The following CNOT10 variants were observed in gnomAD, a reference collection of about 807,000 sequenced individuals.
The protein encoded by CNOT10 is CCR4-NOT transcription complex subunit 10, also known as CCR4-NOT transcription complex, subunit 10.
In CNOT10, 30 loss-of-function variants were observed where a neutral mutation model predicts 94.6. That is an observed-to-expected ratio of 0.32 (90% confidence interval 0.24 to 0.43). CNOT10 has a LOEUF of 0.43. Among genes scored for constraint, CNOT10 ranks in the 20% least tolerant of loss-of-function variants. CNOT10 has a pLI of 1.00. For synonymous variants in CNOT10, 289 were observed against 301.6 expected (o/e 0.96, Z 0.43); for missense variants, 759 against 877.2 (o/e 0.87, Z 1.70).
At chr3:32,705,745 G>A (rs560894387) in intron 3 of CNOT10, among the ~76,000 whole-genome samples, 1 of 152,214 alleles carries the variant, frequency 6.6e-6, no homozygotes, top group Non-Finnish European at 1.5e-5. Context: ...TGCTGTTAGG[G>A]AGTCATGAGA....
rs146044152 is a variant in CNOT10 at position 32,696,068 on chromosome 3, C to A, written c.23-7800C>A. ...TGGTGACTCATGCTGGTAATCCCAG[C>A]ACTTTGGGAGGCCGAGGCAGGCGGA... is the stretch of plus-strand genomic sequence containing the variant. On this transcript the variant is annotated intron_variant, in intron 1 of 18. Transcript: ENST00000328834. 2.3e-3 allele frequency among the ~76,000 whole-genome samples: 340 copies of A among 150,926 alleles called. 1 individual carries two copies. The highest frequency in any genetic ancestry group is 7.7e-3 in the African/African-American group (315 of 40,940).
At chr3:32,730,063 C>T (rs970279087) in intron 10 of CNOT10, among the ~76,000 whole-genome samples, 4 of 151,990 alleles carry the variant, frequency 2.6e-5, no homozygotes, top group Non-Finnish European at 4.4e-5. Flanking sequence ...CCACCGCGCC[C>T]GGCCCAGAAT....
At chr3:32,723,488 A>C (rs1698514821) in intron 8 of CNOT10, among the ~76,000 whole-genome samples, 1 of 152,228 alleles carries the variant, frequency 6.6e-6, no homozygotes, top group Non-Finnish European at 1.5e-5. Flanking sequence ...TTTAAAAATA[A>C]ATAAAAGCAG....
At chr3:32,735,221 G>GGC (rs1004048595) in intron 12 of CNOT10, among the ~76,000 whole-genome samples, 1 of 152,112 alleles carries the variant, frequency 6.6e-6, no homozygotes, top group Non-Finnish European at 1.5e-5. Flanking sequence ...CGGACGCAGT[G>GGC]GCTCATGCCT....
Position 32,759,464 on chromosome 3 carries a change from C to A in CNOT10, c.1602C>A (p.Ser534=). 1 of 1,612,372 alleles carries A rather than the reference C, an allele frequency of 6.2e-7. No homozygotes were observed. The highest frequency in any genetic ancestry group is 8.5e-7 in the Non-Finnish European group (1 of 1,178,680). ...RKQELENLKC[S]ILACSAYVAL... ...CTTCCCTTTTGTGTTATAGGTGCTC[C>A]ATACTTGCTTGCAGTGCCTACGTGG... The change falls in exon 14 of 19, where the codon TCC becomes TCA. Residue 534 remains serine, a synonymous_variant. Transcript: ENST00000328834.
At chr3:32,705,481 A>G (rs1313172671) in intron 3 of CNOT10, among the ~76,000 whole-genome samples, 1 of 152,094 alleles carries the variant, frequency 6.6e-6, no homozygotes, top group African/African-American at 2.4e-5. Flanking sequence ...GATGGTGCTG[A>G]TAGGATCAGC....
intron 6 of CNOT10, 99 bp from the exon 7 acceptor site, chr3:32,717,055 G>C (rs1698156353): frequency 1.8e-5 from 11 of 619,942 alleles, no homozygotes; most frequent in Admixed American, 6.5e-5. Context: ...AGTAATTAGT[G>C]TAACTATGTT....
At chr3:32,720,033 C>A in intron 7 of CNOT10, 81 bp from the exon 8 acceptor site, 1 of 608,534 alleles carries the variant, frequency 1.6e-6, no homozygotes, top group South Asian at 3.9e-5. Flanking sequence ...GTTTTGAACA[C>A]GTCAGTACAA....
chr3:32,770,395 G>C (rs1211456027), intron 18 of CNOT10, among the ~76,000 whole-genome samples: 1 of 136,654 alleles, frequency 7.3e-6, no homozygotes, highest in Non-Finnish European at 1.5e-5. Context: ...GCGCGATCTC[G>C]GCTCACTGCA....
chr3:32,753,848 G>A lies in CNOT10; in HGVS notation c.1596-5610G>A, dbSNP rs1575292807. 4.0e-6 allele frequency: 6 copies of A among 1,516,874 alleles called. No homozygotes were observed. The East Asian group carries it at 1.1e-4, about 29-fold the overall frequency. 94.0% of individuals were successfully genotyped at this position (1,516,874 alleles called of 1,614,324 possible). On this transcript the variant is annotated intron_variant, in intron 13 of 18. Transcript: ENST00000328834. ...TTTGAGTACCAGCTGGTCTGATGTA[G>A]GTAAAAGGAAAGTTGAAATCAATCC...
chr3:32,710,512 G>A (rs984776617), intron 4 of CNOT10, among the ~76,000 whole-genome samples: 7 of 151,900 alleles, frequency 4.6e-5, no homozygotes, highest in South Asian at 2.1e-4. Context: ...CATAGTTTAC[G>A]TTAGGGTTCA....
chr3:32,708,857 C>T (rs1267501955), intron 4 of CNOT10, 37 bp downstream of exon 4: 1 of 1,555,520 alleles, frequency 6.4e-7, no homozygotes, highest in South Asian at 1.2e-5. Flanking sequence ...TCCCTATCTT[C>T]CCTATACTTG....
rs187045762 is a variant in CNOT10 at position 32,723,858 on chromosome 3, A to G, written c.863-1592A>G. ...CACTTTGGGAGGTCGAGGCAGGAGG[A>G]TCACTTGATTCCAGGAGTTTGCGAC... On this transcript the variant is annotated intron_variant, in intron 8 of 18. Coordinates refer to ENST00000328834, the MANE Select transcript of CNOT10 (RefSeq NM_015442.3). Among the ~76,000 whole-genome samples, 249 of 152,286 alleles carry G rather than the reference A, an allele frequency of 1.6e-3. 1 individual carries two copies. Among genetic ancestry groups the G allele is most frequent in the African/African-American group, 5.8e-3 (242 of 41,564 alleles).
At chr3:32,728,034 T>C (rs1352359384) in intron 10 of CNOT10, among the ~76,000 whole-genome samples, 164 bp downstream of exon 10, 5 of 149,394 alleles carry the variant, frequency 3.3e-5, no homozygotes, top group Non-Finnish European at 7.4e-5. Flanking sequence ...TTCTCTCTTA[T>C]TGCCCAGGCT....
intron 7 of CNOT10, among the ~76,000 whole-genome samples, chr3:32,718,072 T>G (rs1284565705): frequency 6.6e-6 from 1 of 151,954 alleles, no homozygotes; most frequent in East Asian, 1.9e-4. Flanking sequence ...GTGAACAATC[T>G]TGATGCTTCT....
At chr3:32,768,444 G>A (rs1308889744) in intron 17 of CNOT10, among the ~76,000 whole-genome samples, 1 of 152,104 alleles carries the variant, frequency 6.6e-6, no homozygotes, top group Admixed American at 6.6e-5. Context: ...TTAGCTGGGC[G>A]TGGTGGCAGG....
intron 1 of CNOT10, among the ~76,000 whole-genome samples, chr3:32,698,846 C>T (rs1697199359): frequency 6.6e-6 from 1 of 152,184 alleles, no homozygotes; most frequent in Non-Finnish European, 1.5e-5. Flanking sequence ...AGTGCTTTGG[C>T]ACAATCTCAG....
intron 13 of CNOT10, among the ~76,000 whole-genome samples, chr3:32,755,886 C>CTAG (rs1700209125): frequency 6.6e-6 from 1 of 151,652 alleles, no homozygotes; most frequent in African/African-American, 2.4e-5. Flanking sequence ...GGGGGAAAAG[C>CTAG]TAGTGTCTCT....
At chr3:32,706,277 G>T (rs1697619344) in intron 3 of CNOT10, among the ~76,000 whole-genome samples, 2 of 152,118 alleles carry the variant, frequency 1.3e-5, no homozygotes, top group African/African-American at 4.8e-5. Context: ...CCCATAGACA[G>T]TTTCTTCCAA....
Sources: gnomAD v4.1 joint callset for allele counts (sites outside exome capture counted in the v4.1 genomes callset) on GRCh38, gnomAD v4.1.1 for gene constraint, MANE v1.5 for transcripts, NCBI Gene and HGNC (gene_info 2026-07-23, HGNC 2026-07-21) for gene names.